The following CHIT1 variants were observed in gnomAD, a reference collection of about 807,000 sequenced individuals.
The protein encoded by CHIT1 is chitotriosidase-1.
In CHIT1, 47 loss-of-function variants were observed where a neutral mutation model predicts 52.0. The ratio of observed to expected loss-of-function variants is 0.90; its 90% CI spans 0.71 to 1.15. The LOEUF is 1.15. Among genes scored for constraint, CHIT1 ranks in the 50% most tolerant of loss-of-function variants. CHIT1 has a pLI of 0.00. For missense variants in CHIT1, 569 were observed against 583.0 expected, an observed-to-expected ratio of 0.98 and a Z score of 0.25; for synonymous variants, 242 against 228.2, an observed-to-expected ratio of 1.06 and a Z score of -0.54.
At chr1:203,219,089 G>A (rs1571843646) in intron 9 of CHIT1, 127 bp downstream of exon 9, 1 of 743,778 alleles carries the variant, frequency 1.3e-6, no homozygotes, top group African/African-American at 1.7e-5. Flanking sequence ...CTATCACGTG[G>A]AGATTTATGA....
Position 203,219,764 on chromosome 1 carries a change from G to A in CHIT1, c.815C>T (p.Thr272Ile). The A allele has an allele frequency of 6.2e-7, 1 of 1,613,708 alleles. No individual in the cohort carries two copies. The highest frequency in any genetic ancestry group is 1.1e-5 in the South Asian group (1 of 91,058). The part of the protein sequence containing the change: ...LGMPTYGRSF[T>I]LASSSDTRVG... The stretch of plus-strand genomic sequence containing the variant: ...TCTGGTGTCTGATGAGGAGGCCAGT[G>A]TGAAGGAGCGTCCGTAGGTAGGCAT... Residue 272 changes from threonine to isoleucine, a missense_variant, in exon 8 of 11, where the codon ACA becomes ATA. By Grantham distance (89) the Thr-to-Ile change is moderately conservative (BLOSUM62 -1). Transcript: ENST00000367229.
Position 203,223,220 on chromosome 1 carries a change from C to G in CHIT1, c.520G>C (p.Gly174Arg), listed in dbSNP as rs781043062. 2 of 1,614,210 alleles carry G rather than the reference C, an allele frequency of 1.2e-6. No homozygotes were observed. The highest frequency in any genetic ancestry group is 2.2e-5 in the South Asian group (2 of 91,088). ...GCACTCAGAAGAAGGCGTTCCTTCCCTGAGGTCTGGGCTTCCTGCTGGAAG... is the reference window on the plus strand; with the variant it reads ...GCACTCAGAAGAAGGCGTTCCTTCCGTGAGGTCTGGGCTTCCTGCTGGAAG... ...NAFQQEAQTS[G>R]KERLLLSAAV... is the part of the protein sequence containing the mutation. Residue 174 changes from glycine to arginine, a missense_variant, in exon 6 of 11, where the codon GGG becomes CGG. Physicochemically the swap from Gly to Arg is moderately radical, Grantham distance 125. Transcript: ENST00000367229.
At chr1:203,221,294 G>C (rs557959090) in intron 7 of CHIT1, among the ~76,000 whole-genome samples, 1 of 152,176 alleles carries the variant, frequency 6.6e-6, no homozygotes, top group African/African-American at 2.4e-5. Flanking sequence ...CTCTCTGCAG[G>C]GTTTTATAAA....
chr1:203,216,892 A>G lies in CHIT1; in HGVS notation c.1398T>C (p.Asn466=), dbSNP rs774837789. 2 of 1,614,110 alleles carry G rather than the reference A, an allele frequency of 1.2e-6. No individual in the cohort carries two copies. Among genetic ancestry groups the G allele is most frequent in the East Asian group, 4.5e-5 (2 of 44,876 alleles). ...FSNSCKCCTW[N] Reference sequence around the variant, plus strand: ...GGACTGGAGGGGCTTTAGCGACTCAATTCCAGGTGCAGCATTTGCAGGAGT... The same window carrying G: ...GGACTGGAGGGGCTTTAGCGACTCAGTTCCAGGTGCAGCATTTGCAGGAGT... The change falls in exon 11 of 11, where the codon AAT becomes AAC. Residue 466 remains asparagine (N), a synonymous_variant. Coordinates refer to ENST00000367229, the MANE Select transcript of CHIT1 (RefSeq NM_003465.3).
rs749457823 is a variant in CHIT1 at position 203,216,960 on chromosome 1, G to A, written c.1330C>T (p.Arg444Trp). The change falls in exon 11 of 11, where the codon CGG becomes TGG. Residue 444 changes from arginine (R) to tryptophan (W), a missense_variant. Arg to Trp is a moderately radical substitution (Grantham distance 101). Transcript: ENST00000367229. ...RSSFYSCAAG[R>W]LFQQSCPTGL... ...GTCGGGCAGCTTTGCTGGAACAGCC[G>A]CCCCGCTGCACAGCTGTAGAAGCTG... The A allele has an allele frequency of 1.8e-5, 29 of 1,614,028 alleles. No individual in the cohort carries two copies. Among genetic ancestry groups the A allele is most frequent in the Non-Finnish European group, 2.3e-5 (27 of 1,179,990 alleles).
At chr1:203,220,507 T>C (rs990479135) in intron 7 of CHIT1, among the ~76,000 whole-genome samples, 1 of 152,210 alleles carries the variant, frequency 6.6e-6, no homozygotes, top group African/African-American at 2.4e-5. Flanking sequence ...CCTGATTATA[T>C]ATTACTTGGT....
intron 9 of CHIT1, 125 bp from the exon 10 acceptor site, chr1:203,217,990 A>T: frequency 6.5e-7 from 1 of 1,536,936 alleles, no homozygotes; most frequent in African/African-American, 1.4e-5. Flanking sequence ...GAGTGGCTGT[A>T]GATTCTGGAG....
intron 2 of CHIT1, among the ~76,000 whole-genome samples, chr1:203,227,466 C>T (rs911816693): frequency 2.0e-5 from 3 of 152,174 alleles, no homozygotes; most frequent in Non-Finnish European, 4.4e-5. Flanking sequence ...AAATAAAGTG[C>T]AGTGGTTAAC....
intron 2 of CHIT1, among the ~76,000 whole-genome samples, chr1:203,228,225 C>T (rs1162194616): frequency 6.6e-6 from 1 of 152,204 alleles, no homozygotes; most frequent in Non-Finnish European, 1.5e-5. Flanking sequence ...TACTGTAAAA[C>T]ACACAGGTGC....
chr1:203,225,584 G>A (rs926512077), intron 3 of CHIT1, 85 bp downstream of exon 3: 165 of 1,376,696 alleles, frequency 1.2e-4, no homozygotes, highest in Non-Finnish European at 1.7e-4. Context: ...CAGGACCTTA[G>A]TGCTGGAGAG....
At chr1:203,217,948 G>A (rs1656597804) in intron 9 of CHIT1, 83 bp from the exon 10 acceptor site, 2 of 1,547,284 alleles carry the variant, frequency 1.3e-6, no homozygotes, top group Non-Finnish European at 1.7e-6. Context: ...TTCTGGACAG[G>A]GCCCTTTTTG....
chr1:203,222,420 GAGGAACCA>G, intron 6 of CHIT1, 95 bp from the exon 7 acceptor site: 1 of 1,584,718 alleles, frequency 6.3e-7, no homozygotes, highest in Non-Finnish European at 8.6e-7. Context: ...ATGGCCTAGG[GAGGAACCA>G]CTGGGGTCAG....
In CHIT1 at chr1:203,217,959, C is replaced by A. The variant is rs542268412; in HGVS notation, c.1030-94G>T. 15 of 1,542,624 alleles carry A rather than the reference C, an allele frequency of 9.7e-6. No homozygotes were observed. In the South Asian group the frequency reaches 1.6e-4, roughly 16 times the overall value. ...CCTCTTCTGGACAGGGCCCTTTTTG[C>A]TCCAGCAGCCTCAGGCCTGTGAGTG... On this transcript the variant is annotated intron_variant, in intron 9 of 10. Coordinates refer to ENST00000367229, the MANE Select transcript of CHIT1 (RefSeq NM_003465.3).
chr1:203,219,377 A>G (rs376550703), intron 8 of CHIT1, 48 bp from the exon 9 acceptor site: 114 of 1,115,238 alleles, frequency 1.0e-4, no homozygotes, highest in Admixed American at 1.9e-4. Context: ...AGGCTCTTGC[A>G]GGCACCTTCC....
chr1:203,225,861 G>T lies in CHIT1; in HGVS notation c.65C>A (p.Ala22Glu). Residue 22 changes from alanine to glutamate, a missense_variant, in exon 3 of 11, where the codon GCA becomes GAA. Transcript: ENST00000367229. ...GTTGGTGAAGTAGCAGACCAGTTTT[G>T]CAGCAGAGCCTGGCCCGTTGGAGTA... ...VLLMIPWGSA[A>E]KLVCYFTNWA... 1 of 1,614,160 alleles carries T rather than the reference G, an allele frequency of 6.2e-7. No homozygotes were observed. Among genetic ancestry groups the T allele is most frequent in the Non-Finnish European group, 8.5e-7 (1 of 1,180,024 alleles).
chr1:203,219,654 G>A lies in CHIT1; in HGVS notation c.915+10C>T. On this transcript the variant is annotated intron_variant, in intron 8 of 10. Transcript: ENST00000367229. ...CTCACAATACCCAGGGTGGTTATGG[G>A]TTTTCCTACTTCATAGTAGGCCAGC... 1 of 1,614,124 alleles carries A rather than the reference G, an allele frequency of 6.2e-7. No individual in the cohort carries two copies. The highest frequency in any genetic ancestry group is 8.5e-7 in the Non-Finnish European group (1 of 1,179,996).
In CHIT1 at chr1:203,217,117, A is replaced by C; in HGVS notation, c.1173T>G (p.Pro391=). The C allele has an allele frequency of 6.2e-7, 1 of 1,607,228 alleles. No homozygotes were observed. Among genetic ancestry groups the C allele is most frequent in the South Asian group, 1.1e-5 (1 of 91,080 alleles). ...GAACTTCAAGCTCTGGGGTGCCTGAAGGCAAGTATGGAAGACCTGGGAAGA... is the reference window on the plus strand; with the variant it reads ...GAACTTCAAGCTCTGGGGTGCCTGACGGCAAGTATGGAAGACCTGGGAAGA... ...LRQELSLPYL[P]SGTPELEVPK... Residue 391 remains proline (P), a synonymous_variant, in exon 11 of 11, where the codon CCT becomes CCG. Transcript: ENST00000367229.
chr1:203,217,742 G>T lies in CHIT1; in HGVS notation c.1153C>A (p.Leu385Met). The T allele has an allele frequency of 6.2e-7, 1 of 1,613,782 alleles. No individual in the cohort carries two copies. Among genetic ancestry groups the T allele is most frequent in the Non-Finnish European group, 8.5e-7 (1 of 1,179,864 alleles). ...YPLIQTLRQE[L>M]SLPYLPSGTP... is the part of the protein sequence containing the mutation. ...TGGCCCTGGGCCCCTTACTTACTCAGTTCCTGCCGTAGCGTCTGGATGAGG... is the reference window on the plus strand; with the variant it reads ...TGGCCCTGGGCCCCTTACTTACTCATTTCCTGCCGTAGCGTCTGGATGAGG... The change falls in exon 10 of 11, where the codon CTG (leucine) becomes ATG (methionine). Residue 385 changes from leucine (L) to methionine (M), a missense_variant. Transcript: ENST00000367229.
chr1:203,228,462 G>A (rs2102246293), intron 2 of CHIT1, 71 bp downstream of exon 2: 1 of 1,497,022 alleles, frequency 6.7e-7, no homozygotes, highest in Non-Finnish European at 9.1e-7. Flanking sequence ...AGGTCTGGCA[G>A]GGAAGGTGTT....
Sources: allele counts gnomAD v4.1 joint callset (sites outside exome capture counted in the v4.1 genomes callset), GRCh38; gene constraint gnomAD v4.1.1; transcripts MANE v1.5; gene names NCBI Gene and HGNC (gene_info 2026-07-23, HGNC 2026-07-21).